FBXL4: variants seen among roughly 807,000 people sequenced by gnomAD.
FBXL4 encodes the protein F-box and leucine rich repeat protein 4.
A neutral mutation model predicts 58.9 loss-of-function variants in FBXL4; 40 were observed. The ratio of observed to expected loss-of-function variants is 0.68; its 90% confidence interval spans 0.53 to 0.88. FBXL4 has a LOEUF of 0.88. FBXL4 is among the 40% of genes least tolerant of loss of function. The probability of loss-of-function intolerance (pLI) is 0.00; values close to 1 mark genes in which losing one functional copy is unlikely to be tolerated. For missense variants in FBXL4, 676 were observed against 734.4 expected, an observed-to-expected ratio of 0.92 and a Z score of 0.92; for synonymous variants, 263 against 265.5, an observed-to-expected ratio of 0.99 and a Z score of 0.09.
chr6:98,928,134 C>T (rs1473001485), intron 2 of FBXL4, among the ~76,000 whole-genome samples: 1 of 152,090 alleles, frequency 6.6e-6, no homozygotes, highest in Non-Finnish European at 1.5e-5. Flanking sequence ...TAACAATCAA[C>T]AAGATCCCAA....
intron 7 of FBXL4, among the ~76,000 whole-genome samples, chr6:98,891,228 T>A (rs575203615): frequency 5.9e-5 from 9 of 152,298 alleles, no homozygotes; most frequent in Admixed American, 3.9e-4. Context: ...CTAAATATCA[T>A]AAATTGCAAA....
intron 6 of FBXL4, among the ~76,000 whole-genome samples, chr6:98,902,555 G>A (rs1474607): frequency 8.5e-5 from 13 of 152,066 alleles, no homozygotes; most frequent in Non-Finnish European, 1.0e-4. Flanking sequence ...TAAAGTTCTC[G>A]AATCTAGAAC....
rs1454800674 is a variant in FBXL4 at position 98,880,568 on chromosome 6, T to C, written c.1374A>G (p.Leu458=). 1 of 1,613,892 alleles carries C rather than the reference T, an allele frequency of 6.2e-7. No individual in the cohort carries two copies. Among genetic ancestry groups the C allele is most frequent in the South Asian group, 1.1e-5 (1 of 91,074 alleles). The change falls in exon 8 of 10, where the codon TTA becomes TTG. Residue 458 remains leucine, a synonymous_variant. Transcript: ENST00000369244. ...NFCSELQHLS[L]GSCVMIEDYD... ...AAACACTTACCATGACACAACTGCC[T>C]AAACTGAGGTGCTGAAGCTCTGAAC...
chr6:98,881,489 T>C (rs1054640769), intron 7 of FBXL4, among the ~76,000 whole-genome samples: 2 of 152,034 alleles, frequency 1.3e-5, no homozygotes, highest in Non-Finnish European at 2.9e-5. Context: ...TAAGATATTA[T>C]ACAACTTCTG....
intron 2 of FBXL4, among the ~76,000 whole-genome samples, chr6:98,930,703 G>T (rs990858211): frequency 6.6e-6 from 1 of 151,968 alleles, no homozygotes; most frequent in Non-Finnish European, 1.5e-5. Flanking sequence ...TCATGATCGT[G>T]TCACTGTACT....
At chr6:98,924,989 C>A (rs1292082250) in intron 4 of FBXL4, among the ~76,000 whole-genome samples, 1 of 152,104 alleles carries the variant, frequency 6.6e-6, no homozygotes, top group Non-Finnish European at 1.5e-5. Flanking sequence ...CAACACCTAG[C>A]ACATTAGGTA....
intron 7 of FBXL4, among the ~76,000 whole-genome samples, chr6:98,894,039 A>T (rs1771326828): frequency 6.6e-6 from 1 of 152,102 alleles, no homozygotes; most frequent in South Asian, 2.1e-4. Flanking sequence ...CTAATTTTTT[A>T]AATTTTCTGT....
intron 1 of FBXL4, among the ~76,000 whole-genome samples, chr6:98,937,440 A>C (rs1226851510): frequency 1.3e-5 from 2 of 152,220 alleles, no homozygotes; most frequent in Admixed American, 6.5e-5. Context: ...CTTATAATAA[A>C]GTAAGCTAGA....
intron 7 of FBXL4, among the ~76,000 whole-genome samples, chr6:98,897,593 G>C (rs577095216): frequency 6.6e-6 from 1 of 152,168 alleles, no homozygotes; most frequent in Non-Finnish European, 1.5e-5. Flanking sequence ...CAAAATACCT[G>C]AGGGTGGGTA....
intron 8 of FBXL4, among the ~76,000 whole-genome samples, chr6:98,877,121 AT>A (rs1770690347): frequency 6.6e-6 from 1 of 152,096 alleles, no homozygotes; most frequent in South Asian, 2.1e-4. Flanking sequence ...TTGGGGCTGC[AT>A]TTTTGAGTTA....
At chr6:98,924,677 G>T (rs1464121362) in intron 4 of FBXL4, among the ~76,000 whole-genome samples, 1 of 152,182 alleles carries the variant, frequency 6.6e-6, no homozygotes, top group Non-Finnish European at 1.5e-5. Context: ...TATTTGCAAT[G>T]AATTATTAGG....
At chr6:98,904,035 G>C (rs1771709342) in intron 6 of FBXL4, among the ~76,000 whole-genome samples, 1 of 152,140 alleles carries the variant, frequency 6.6e-6, no homozygotes, top group Non-Finnish European at 1.5e-5. Context: ...AAAGAGCTAT[G>C]AGGGTAATTA....
At chr6:98,899,743 G>C (rs1288511812) in intron 6 of FBXL4, among the ~76,000 whole-genome samples, 1 of 151,932 alleles carries the variant, frequency 6.6e-6, no homozygotes, top group Non-Finnish European at 1.5e-5. Flanking sequence ...TAAGAAAGTA[G>C]AAGATATATT....
chr6:98,890,705 GGT>G (rs1771194529), intron 7 of FBXL4, among the ~76,000 whole-genome samples: 1 of 152,142 alleles, frequency 6.6e-6, no homozygotes, highest in Non-Finnish European at 1.5e-5. Flanking sequence ...GATCACTTGA[GGT>G]CAGGAGTTCA....
intron 7 of FBXL4, among the ~76,000 whole-genome samples, chr6:98,890,088 A>G (rs1186136677): frequency 2.6e-5 from 4 of 152,208 alleles, no homozygotes; most frequent in Non-Finnish European, 5.9e-5. Context: ...GTATGCAGTA[A>G]TATGTTTGCT....
chr6:98,918,600 T>C (rs1380965982), intron 4 of FBXL4, among the ~76,000 whole-genome samples: 2 of 152,110 alleles, frequency 1.3e-5, no homozygotes, highest in African/African-American at 4.8e-5. Flanking sequence ...CTTAATATAC[T>C]CATATGTCAG....
chr6:98,909,095 T>C (rs34834512), intron 5 of FBXL4, among the ~76,000 whole-genome samples: 1 of 152,226 alleles, frequency 6.6e-6, no homozygotes. Flanking sequence ...TACTTTATTG[T>C]ATTTTCCTAC....
intron 8 of FBXL4, among the ~76,000 whole-genome samples, chr6:98,878,660 TAA>T (rs797015507): frequency 9.1e-4 from 139 of 152,086 alleles, no homozygotes; most frequent in African/African-American, 3.3e-3. Context: ...ATTCCAACAG[TAA>T]AGAGTCTATG....
intron 5 of FBXL4, among the ~76,000 whole-genome samples, chr6:98,912,276 C>T (rs1433994629): frequency 1.3e-5 from 2 of 152,198 alleles, no homozygotes; most frequent in Non-Finnish European, 2.9e-5. Flanking sequence ...AGGAGAACTT[C>T]CCCAATCTAG....
Sources: allele counts gnomAD v4.1 joint callset (sites outside exome capture counted in the v4.1 genomes callset), GRCh38; gene constraint gnomAD v4.1.1; transcripts MANE v1.5; gene names NCBI Gene and HGNC (gene_info 2026-07-23, HGNC 2026-07-21).